The following NDUFA10 variants were observed in gnomAD, a reference collection of about 807,000 sequenced individuals.
NDUFA10 encodes the protein NADH:ubiquinone oxidoreductase subunit A10, also known as NADH dehydrogenase [ubiquinone] 1 alpha subcomplex subunit 10, mitochondrial.
A neutral mutation model predicts 47.8 loss-of-function variants in NDUFA10; 40 were observed. The observed-to-expected ratio is 0.84, with a 90% CI of 0.65 to 1.09. The LOEUF (loss-of-function observed/expected upper bound fraction) is 1.09, where lower values mean the gene tolerates loss of function less well. Ranked by LOEUF, NDUFA10 falls within the 50% of genes least tolerant of loss-of-function variation. The probability of loss-of-function intolerance (pLI) is 0.00; values close to 1 mark genes in which losing one functional copy is unlikely to be tolerated. For synonymous variants in NDUFA10, 183 were observed against 172.2 expected (o/e 1.06, Z -0.49); for missense variants, 413 against 451.1 (o/e 0.92, Z 0.76).
At chr2:239,921,469 C>A (rs1693981637) in intron 4 of NDUFA10, among the ~76,000 whole-genome samples, 1 of 152,072 alleles carries the variant, frequency 6.6e-6, no homozygotes, top group South Asian at 2.1e-4. Flanking sequence ...TCAGAGTGCC[C>A]TTTTTTCAAT....
intron 8 of NDUFA10, among the ~76,000 whole-genome samples, chr2:239,996,212 A>C (rs1326452517): frequency 6.6e-6 from 1 of 151,620 alleles, no homozygotes; most frequent in Non-Finnish European, 1.5e-5. Flanking sequence ...TCTGACATTT[A>C]TACAACACTC....
chr2:239,988,985 AAC>A (rs980613342), intron 9 of NDUFA10, among the ~76,000 whole-genome samples: 2 of 148,540 alleles, frequency 1.3e-5, no homozygotes, highest in Non-Finnish European at 3.0e-5. Flanking sequence ...GAAAGGGAGA[AAC>A]AGCACACACT....
At chr2:239,898,495 C>T (rs527433007) in intron 4 of NDUFA10, among the ~76,000 whole-genome samples, 108 of 152,358 alleles carry the variant, frequency 7.1e-4, no homozygotes, top group African/African-American at 2.3e-3. Flanking sequence ...GCCGTATTTA[C>T]GAGCTTTGCT....
chr2:239,949,895 T>A lies in NDUFA10; in HGVS notation c.294+40179A>T, dbSNP rs139850961. ...TCTTGGGGCTTCTGAGCCTCCAGAATCCTTGTAACTGTCTCCATATCTGTT... is the reference window on the plus strand; with the variant it reads ...TCTTGGGGCTTCTGAGCCTCCAGAAACCTTGTAACTGTCTCCATATCTGTT... On this transcript the variant is annotated intron_variant, in intron 4 of 5. Coordinates refer to the NDUFA10 transcript ENST00000419408. 2.9e-3 allele frequency among the ~76,000 whole-genome samples: 441 copies of A among 152,270 alleles called. 2 individuals carry two copies. Among genetic ancestry groups the A allele is most frequent in the Non-Finnish European group, 4.4e-3 (297 of 68,014 alleles).
intron 8 of NDUFA10, among the ~76,000 whole-genome samples, chr2:239,998,768 A>G (rs1170113247): frequency 1.3e-5 from 2 of 152,066 alleles, no homozygotes; most frequent in African/African-American, 4.8e-5. Context: ...ATGTTACTGT[A>G]TTTTTCACTG....
intron 9 of NDUFA10, among the ~76,000 whole-genome samples, chr2:239,972,662 T>C (rs1695349646): frequency 6.6e-6 from 1 of 152,256 alleles, no homozygotes; most frequent in South Asian, 2.1e-4. Flanking sequence ...TATTTTTATT[T>C]TGAAAATGTG....
At chr2:239,951,547 T>G (rs112995284) in intron 4 of NDUFA10, among the ~76,000 whole-genome samples, 13 of 152,196 alleles carry the variant, frequency 8.5e-5, no homozygotes, top group African/African-American at 2.9e-4. Flanking sequence ...ACACCCTCCC[T>G]GGGTCCCCTC....
At chr2:240,004,975 G>T (rs1408947178) in intron 8 of NDUFA10, among the ~76,000 whole-genome samples, 1 of 152,116 alleles carries the variant, frequency 6.6e-6, no homozygotes, top group Non-Finnish European at 1.5e-5. Flanking sequence ...TCTTAAATCT[G>T]GAACGGTGTT....
intron 8 of NDUFA10, among the ~76,000 whole-genome samples, chr2:240,000,806 C>T (rs1696678845): frequency 6.6e-6 from 1 of 152,234 alleles, no homozygotes; most frequent in Admixed American, 6.5e-5. Flanking sequence ...CAGTACTGTA[C>T]CATGCTGTAC....
At chr2:239,932,384 T>C (rs919830145) in intron 4 of NDUFA10, among the ~76,000 whole-genome samples, 16 of 152,220 alleles carry the variant, frequency 1.1e-4, no homozygotes, top group Non-Finnish European at 2.4e-4. Context: ...TCCAAGCACC[T>C]GCAAAGCCTA....
chr2:240,018,565 T>A lies in NDUFA10; in HGVS notation c.535A>T (p.Ile179Phe). 6.2e-7 allele frequency: 1 copy of A among 1,614,242 alleles called. No individual in the cohort carries two copies. Among genetic ancestry groups the A allele is most frequent in the South Asian group, 1.1e-5 (1 of 91,084 alleles). ...FLEAMYNQGF[I>F]RKQCVDHYNE... is the part of the protein sequence containing the mutation. ...AATGCTGACTCACACTGCTTTCGGA[T>A]GAATCCCTGGTTGTACATCGCCTCC... The change falls in exon 4 of 10, where the codon ATC (isoleucine) becomes TTC (phenylalanine). Residue 179 changes from isoleucine to phenylalanine, a missense_variant. Transcript: ENST00000252711.
intron 4 of NDUFA10, among the ~76,000 whole-genome samples, chr2:239,897,009 ATCTTT>A (rs1693411686): frequency 6.6e-6 from 1 of 152,212 alleles, no homozygotes; most frequent in Admixed American, 6.5e-5. Flanking sequence ...CCTTAAACAA[ATCTTT>A]TCTTTTAGTT....
rs1453514446 is a variant in NDUFA10 at position 239,906,651 on chromosome 2, G to T, written c.295-11337C>A. 6.6e-6 allele frequency among the ~76,000 whole-genome samples: 1 copy of T among 152,160 alleles called. No individual in the cohort carries two copies. Among genetic ancestry groups the T allele is most frequent in the Non-Finnish European group, 1.5e-5 (1 of 68,036 alleles). On this transcript the variant is annotated intron_variant, in intron 4 of 5. Coordinates refer to the NDUFA10 transcript ENST00000419408. This position sits in a 1 kb window ranked among gnomAD's most constrained non-coding sequence, Gnocchi z 4.3. Reference sequence around the variant, plus strand: ...TGCCCCCGGGAATGCTGGTCCAGACGCTTTGCCCTGCACCCAACCCTAAAG... The same window carrying T: ...TGCCCCCGGGAATGCTGGTCCAGACTCTTTGCCCTGCACCCAACCCTAAAG...
chr2:239,989,729 T>C (rs1484987682), intron 9 of NDUFA10, among the ~76,000 whole-genome samples: 1 of 152,212 alleles, frequency 6.6e-6, no homozygotes, highest in Admixed American at 6.5e-5. Flanking sequence ...GGAACCCTCA[T>C]TATTTACAGA....
downstream of NDUFA10, among the ~76,000 whole-genome samples, chr2:239,957,053 G>C (rs965208061): frequency 1.3e-5 from 2 of 152,144 alleles, no homozygotes; most frequent in African/African-American, 2.4e-5. Context: ...GGCTCTGGGG[G>C]GTGCCCTGCA....
chr2:239,943,446 C>T (rs1431240587), intron 4 of NDUFA10, among the ~76,000 whole-genome samples: 1 of 152,206 alleles, frequency 6.6e-6, no homozygotes, highest in African/African-American at 2.4e-5. Context: ...GTGATCCTCC[C>T]GCCTCAGCCT....
At chr2:240,010,635 A>T (rs139843011) in intron 6 of NDUFA10, among the ~76,000 whole-genome samples, 20 of 152,164 alleles carry the variant, frequency 1.3e-4, no homozygotes, top group African/African-American at 4.6e-4. Flanking sequence ...TTACCACCTA[A>T]GAAAGAAACG....
chr2:239,990,930 CTCTTT>C (rs770658040), intron 8 of NDUFA10, among the ~76,000 whole-genome samples: 1 of 152,084 alleles, frequency 6.6e-6, no homozygotes, highest in East Asian at 1.9e-4. Context: ...AAAATAAAGT[CTCTTT>C]TCTTAAGGGC....
intron 9 of NDUFA10, among the ~76,000 whole-genome samples, chr2:239,984,610 C>T (rs1279113214): frequency 6.6e-6 from 1 of 152,220 alleles, no homozygotes; most frequent in Admixed American, 6.5e-5. Context: ...GCTAGGTGAG[C>T]TCACCATGTA....
Sources: allele counts gnomAD v4.1 joint callset (sites outside exome capture counted in the v4.1 genomes callset), GRCh38; gene constraint gnomAD v4.1.1; non-coding constraint Gnocchi (gnomAD v3.1); transcripts MANE v1.5; gene names NCBI Gene and HGNC (gene_info 2026-07-23, HGNC 2026-07-21).